The following CGNL1 variants were observed in gnomAD, a reference collection of about 807,000 sequenced individuals.
CGNL1 encodes cingulin-like protein 1.
CGNL1 carries 132 observed loss-of-function variants against 141.2 expected under a neutral mutation model. The observed-to-expected ratio is 0.93, with a 90% CI of 0.81 to 1.08. The LOEUF is 1.08. CGNL1 is among the 50% of genes least tolerant of loss of function. The probability of loss-of-function intolerance (pLI) is 0.00; values close to 1 mark genes in which losing one functional copy is unlikely to be tolerated. For missense variants in CGNL1, 1,870 were observed against 1,588.6 expected (o/e 1.18, Z -3.01); for synonymous variants, 690 against 622.1 (o/e 1.11, Z -1.63).
intron 8 of CGNL1, 91 bp from the exon 9 acceptor site, chr15:57,516,689 T>A: frequency 7.4e-7 from 1 of 1,357,176 alleles, no homozygotes; most frequent in Non-Finnish European, 1.0e-6. Context: ...GTGGGCACAA[T>A]GGGTTTTTCA....
chr15:57,389,655 T>C (rs1664456), intron 1 of CGNL1, among the ~76,000 whole-genome samples: 133,415 of 152,184 alleles, frequency 0.88, 59,202 homozygotes, highest in East Asian at 1. Flanking sequence ...TGTGTTTGAA[T>C]GATAAATGGA....
chr15:57,541,874 T>G (rs2032583159), intron 14 of CGNL1, among the ~76,000 whole-genome samples: 1 of 152,214 alleles, frequency 6.6e-6, no homozygotes, highest in Non-Finnish European at 1.5e-5. Context: ...TTTTAAAATG[T>G]GAGCATTTTC....
chr15:57,545,209 G>A (rs570473987), intron 16 of CGNL1, among the ~76,000 whole-genome samples: 85 of 152,306 alleles, frequency 5.6e-4, no homozygotes, highest in Middle Eastern at 3.4e-3. Context: ...GTGGTGTGCC[G>A]GCATTTGACA....
chr15:57,501,648 A>T (rs1407230637), intron 8 of CGNL1, among the ~76,000 whole-genome samples: 1 of 152,198 alleles, frequency 6.6e-6, no homozygotes, highest in Admixed American at 6.5e-5. Flanking sequence ...ATTTTCCCCC[A>T]GAAGTCAAGG....
chr15:57,469,967 A>G (rs113806951), intron 8 of CGNL1, among the ~76,000 whole-genome samples: 2 of 152,228 alleles, frequency 1.3e-5, no homozygotes, highest in African/African-American at 4.8e-5. Flanking sequence ...GACATGGCTA[A>G]TTCAGTGTAA....
intron 1 of CGNL1, among the ~76,000 whole-genome samples, chr15:57,396,681 G>T (rs760305012): frequency 1.3e-5 from 2 of 152,156 alleles, no homozygotes; most frequent in Admixed American, 6.5e-5. Flanking sequence ...ATTCTATACT[G>T]TGAAACTGTT....
intron 8 of CGNL1, among the ~76,000 whole-genome samples, chr15:57,508,545 A>T (rs768398901): frequency 3.3e-5 from 5 of 152,250 alleles, no homozygotes; most frequent in Admixed American, 6.5e-5. Context: ...ATGTGAATTG[A>T]ACTCAGAGGG....
intron 1 of CGNL1, among the ~76,000 whole-genome samples, chr15:57,435,343 A>G (rs1322798505): frequency 1.3e-5 from 2 of 151,850 alleles, no homozygotes; most frequent in African/African-American, 4.8e-5. Context: ...TTAAGGAATC[A>G]CAGTCAGGAA....
In CGNL1 at chr15:57,516,904, G is replaced by A. The variant is rs150556311; in HGVS notation, c.2528G>A (p.Arg843Gln). 42 of 1,613,444 alleles carry A rather than the reference G, an allele frequency of 2.6e-5. No homozygotes were observed. The highest frequency in any genetic ancestry group is 2.3e-4 in the Admixed American group (14 of 60,008). The change falls in exon 9 of 19, where the codon CGG (arginine) becomes CAG (glutamine). Residue 843 changes from arginine (R) to glutamine (Q), a missense_variant. By Grantham distance (43) the Arg-to-Gln change is conservative. Transcript: ENST00000281282. ...KLQGRSEELE[R>Q]RVAQLQRQIE... ...CAGGGAAGAAGCGAAGAGCTGGAGC[G>A]GAGAGTTGCTCAGCTTCAAAGGCAG...
intron 8 of CGNL1, among the ~76,000 whole-genome samples, chr15:57,496,635 G>C (rs746211374): frequency 3.3e-5 from 5 of 152,164 alleles, no homozygotes; most frequent in Non-Finnish European, 7.4e-5. Flanking sequence ...GATCAAGAAA[G>C]AGGTTGGTGG....
intron 1 of CGNL1, among the ~76,000 whole-genome samples, chr15:57,420,746 TC>T: frequency 6.6e-6 from 1 of 152,228 alleles, no homozygotes; most frequent in East Asian, 1.9e-4. Flanking sequence ...GCAGTTAGAT[TC>T]TTTTTAGTCT....
chr15:57,544,699 C>A, intron 16 of CGNL1, 102 bp downstream of exon 16: 2 of 1,395,690 alleles, frequency 1.4e-6, no homozygotes, highest in South Asian at 1.4e-5. Context: ...TCCTCGTAGC[C>A]TGTGAGGAAG....
chr15:57,427,566 C>G (rs1204050880), intron 1 of CGNL1, among the ~76,000 whole-genome samples: 1 of 152,230 alleles, frequency 6.6e-6, no homozygotes, highest in Non-Finnish European at 1.5e-5. Flanking sequence ...TTCCCTCACC[C>G]CTTTCCCTGA....
intron 4 of CGNL1, among the ~76,000 whole-genome samples, chr15:57,445,376 A>T (rs1336989711): frequency 6.6e-6 from 1 of 151,946 alleles, no homozygotes; most frequent in African/African-American, 2.4e-5. Flanking sequence ...ACGTTTTCCT[A>T]CTCCTCTTCC....
intron 12 of CGNL1, among the ~76,000 whole-genome samples, chr15:57,528,072 C>A (rs554834690): frequency 1.3e-5 from 2 of 152,154 alleles, no homozygotes; most frequent in Admixed American, 6.5e-5. Flanking sequence ...GCCTGGCCAC[C>A]ATGGTGAAGC....
intron 1 of CGNL1, among the ~76,000 whole-genome samples, chr15:57,408,423 C>T (rs1307339429): frequency 1.3e-5 from 2 of 152,042 alleles, no homozygotes; most frequent in African/African-American, 2.4e-5. Flanking sequence ...CTTTTGGAAT[C>T]GGAGAATCAA....
chr15:57,433,832 C>T (rs2152299365), intron 1 of CGNL1, among the ~76,000 whole-genome samples: 1 of 152,310 alleles, frequency 6.6e-6, no homozygotes, highest in African/African-American at 2.4e-5. Flanking sequence ...TGTGCAGCCC[C>T]AGCAATGAAG....
At chr15:57,477,989 C>G (rs2063678139) in intron 8 of CGNL1, among the ~76,000 whole-genome samples, 1 of 152,168 alleles carries the variant, frequency 6.6e-6, no homozygotes, top group Non-Finnish European at 1.5e-5. Context: ...TGGTGTTGAC[C>G]TTGTCAAAAC....
chr15:57,470,369 G>A (rs1156578338), intron 8 of CGNL1, among the ~76,000 whole-genome samples: 2 of 149,526 alleles, frequency 1.3e-5, no homozygotes, highest in African/African-American at 5.0e-5. Flanking sequence ...GTGGTGTCCT[G>A]GGATGTTCCT....
Sources: allele counts gnomAD v4.1 joint callset (sites outside exome capture counted in the v4.1 genomes callset), GRCh38; gene constraint gnomAD v4.1.1; transcripts MANE v1.5; gene names NCBI Gene and HGNC (gene_info 2026-07-23, HGNC 2026-07-21).